Variants in IL16 observed in about 807,000 individuals in gnomAD.
The protein encoded by IL16 is pro-interleukin-16.
A neutral mutation model predicts 110.1 loss-of-function variants in IL16; 67 were observed. The ratio of observed to expected loss-of-function variants is 0.61; its 90% CI spans 0.50 to 0.75. IL16 has a LOEUF of 0.75. IL16 is among the 30% of genes least tolerant of loss of function. The pLI is 0.00. For synonymous variants in IL16, 689 were observed against 662.9 expected, an observed-to-expected ratio of 1.04 and a Z score of -0.61; for missense variants, 1,545 against 1,655.0, an observed-to-expected ratio of 0.93 and a Z score of 1.15.
rs528540940 is a variant in IL16 at position 81,202,925 on chromosome 15, G to C, written c.-102+5773G>C. Reference sequence around the variant, plus strand: ...ACTGACTTCCACAATGGTTGAACTAGTTTACAGTCCCACCAACAGTGTAAA... The same window carrying C: ...ACTGACTTCCACAATGGTTGAACTACTTTACAGTCCCACCAACAGTGTAAA... On this transcript the variant is annotated intron_variant, in intron 1 of 18. Transcript: ENST00000683961. Among the ~76,000 whole-genome samples the C allele has an allele frequency of 3.7e-3, 558 of 151,862 alleles. 4 individuals carry two copies. Among genetic ancestry groups the C allele is most frequent in the African/African-American group, 0.013 (532 of 41,364 alleles).
At chr15:81,281,886 C>T (rs1899196432) in intron 8 of IL16, among the ~76,000 whole-genome samples, 1 of 152,232 alleles carries the variant, frequency 6.6e-6, no homozygotes, top group South Asian at 2.1e-4. Context: ...TCAACAGAGG[C>T]CTCTTAGCTG....
At chr15:81,227,357 T>C (rs1297259152) in intron 2 of IL16, among the ~76,000 whole-genome samples, 1 of 152,166 alleles carries the variant, frequency 6.6e-6, no homozygotes, top group Admixed American at 6.5e-5. Context: ...CTGCTTTTTA[T>C]TGAAAAGGTA....
intron 2 of IL16, among the ~76,000 whole-genome samples, chr15:81,238,281 A>G (rs1897239900): frequency 2.0e-5 from 3 of 152,260 alleles, no homozygotes; most frequent in South Asian, 2.1e-4. Flanking sequence ...TAAGTCTGTC[A>G]TTTTATTATT....
intron 2 of IL16, 94 bp from the exon 3 acceptor site, chr15:81,259,678 G>T: frequency 1.4e-6 from 1 of 726,600 alleles, no homozygotes; most frequent in Non-Finnish European, 2.5e-6. Flanking sequence ...CAGATAATCT[G>T]AGTACTTCTA....
In IL16 at chr15:81,288,848, T is replaced by TGTGTGTGCGC. The variant is rs544352797; in HGVS notation, c.1333-1604_1333-1603insTGTGTGCGCG. On this transcript the variant is annotated intron_variant, in intron 10 of 18. Transcript: ENST00000683961. Reference sequence around the variant, plus strand: ...ATGTGTATGTGTGTGTGTGTGTGTGTGCGTGTGTGTGTATCACATGCTGTT... The same window carrying TGTGTGTGCGC: ...ATGTGTATGTGTGTGTGTGTGTGTGTGTGTGTGCGCGCGTGTGTGTGTATCACATGCTGTT... Among the ~76,000 whole-genome samples, 30 of 150,866 alleles carry TGTGTGTGCGC rather than the reference T, an allele frequency of 2.0e-4. No individual in the cohort carries two copies. In the South Asian group the frequency reaches 3.3e-3, roughly 17 times the overall value.
Position 81,265,705 on chromosome 15 carries a change from G to T in IL16, c.468G>T (p.Lys156Asn), listed in dbSNP as rs753304539. The T allele has an allele frequency of 2.5e-6, 4 of 1,613,932 alleles. No individual in the cohort carries two copies. The highest frequency in any genetic ancestry group is 3.4e-6 in the Non-Finnish European group (4 of 1,179,864). Residue 156 changes from lysine to asparagine, a missense_variant, in exon 4 of 19, where the codon AAG (lysine) becomes AAT (asparagine). Lys to Asn is a moderately conservative substitution (Grantham distance 94). This residue lies in a region of IL16 where 1,185 missense variants were observed against 1,238.8 expected (regional missense o/e 0.96). Coordinates refer to ENST00000683961, the MANE Select transcript of IL16 (RefSeq NM_172217.5). ...CTREIDFPMT[K>N]KSAAPTDRQP... is the part of the protein sequence containing the mutation. ...GAGAAATTGATTTTCCAATGACCAA[G>T]AAATCTGCAGCGCCCACGGACAGGC...
intron 2 of IL16, among the ~76,000 whole-genome samples, chr15:81,248,702 AT>A (rs1021315611): frequency 9.2e-5 from 9 of 97,460 alleles, no homozygotes; most frequent in Admixed American, 1.9e-4. Flanking sequence ...TATTTCTGTG[AT>A]TTTTTTTCTT....
At chr15:81,222,370 G>T (rs1182650890) in intron 1 of IL16, among the ~76,000 whole-genome samples, 1 of 138,816 alleles carries the variant, frequency 7.2e-6, no homozygotes, top group Non-Finnish European at 1.5e-5. Flanking sequence ...ACTATTCCAG[G>T]AGGGTTTTTT....
intron 1 of IL16, among the ~76,000 whole-genome samples, chr15:81,216,417 G>A (rs1164073434): frequency 6.6e-6 from 1 of 152,136 alleles, no homozygotes; most frequent in Non-Finnish European, 1.5e-5. Context: ...ACCCCTGCAG[G>A]GTTCCCAGCT....
Position 81,292,869 on chromosome 15 carries a change from G to A in IL16, c.1734G>A (p.Pro578=), listed in dbSNP as rs753258893. The A allele has an allele frequency of 1.9e-5, 31 of 1,614,002 alleles. No homozygotes were observed. Among genetic ancestry groups the A allele is most frequent in the South Asian group, 1.8e-4 (16 of 91,076 alleles). Residue 578 remains proline (P), a synonymous_variant, in exon 12 of 19, where the codon CCG becomes CCA. Coordinates refer to ENST00000683961, the MANE Select transcript of IL16 (RefSeq NM_172217.5). Reference sequence around the variant, plus strand: ...CAGAGAGCCGGGACAGCCACCCGCCGCTGAGACTGAAGAAATCCTTTGAGA... The same window carrying A: ...CAGAGAGCCGGGACAGCCACCCGCCACTGAGACTGAAGAAATCCTTTGAGA... ...PLPESRDSHP[P]LRLKKSFEIL...
At chr15:81,231,324 G>GTCTGTC (rs1896967068) in intron 2 of IL16, among the ~76,000 whole-genome samples, 1 of 47,126 alleles carries the variant, frequency 2.1e-5, no homozygotes, top group African/African-American at 7.9e-5. Context: ...AGGTCGGTCT[G>GTCTGTC]TCTCTCTCTC....
intron 12 of IL16, among the ~76,000 whole-genome samples, chr15:81,294,138 A>C (rs902796759): frequency 6.6e-6 from 1 of 152,212 alleles, no homozygotes; most frequent in African/African-American, 2.4e-5. Flanking sequence ...CAGGAGGGGT[A>C]GCGGTGGAGA....
intron 1 of IL16, among the ~76,000 whole-genome samples, chr15:81,186,142 C>T (rs1314946447): frequency 1.3e-5 from 2 of 152,240 alleles, no homozygotes; most frequent in African/African-American, 4.8e-5. Context: ...CTGGAAAGCC[C>T]TCAGTAATAC....
chr15:81,245,027 T>C (rs1897489075), intron 2 of IL16, among the ~76,000 whole-genome samples: 1 of 152,212 alleles, frequency 6.6e-6, no homozygotes, highest in Admixed American at 6.5e-5. Context: ...CTTCTATTTA[T>C]TTGTTGAAAC....
At chr15:81,295,024 C>T (rs976676490) in intron 12 of IL16, among the ~76,000 whole-genome samples, 16 of 152,114 alleles carry the variant, frequency 1.1e-4, no homozygotes, top group African/African-American at 3.6e-4. Context: ...GGGGACTTAA[C>T]TCTCACAACC....
At chr15:81,248,369 CTGTT>C (rs1897641177) in intron 2 of IL16, among the ~76,000 whole-genome samples, 1 of 151,810 alleles carries the variant, frequency 6.6e-6, no homozygotes, top group Admixed American at 6.6e-5. Flanking sequence ...TCTTTTTGAA[CTGTT>C]TGTCTTCTTT....
At chr15:81,280,311 C>T (rs968961324) in intron 8 of IL16, among the ~76,000 whole-genome samples, 1 of 152,220 alleles carries the variant, frequency 6.6e-6, no homozygotes, top group African/African-American at 2.4e-5. Flanking sequence ...TGGGCTCCAG[C>T]ACAGGGGCCA....
intron 1 of IL16, among the ~76,000 whole-genome samples, chr15:81,222,366 C>A (rs1382800289): frequency 7.0e-6 from 1 of 142,066 alleles, no homozygotes. Flanking sequence ...AGCTACTATT[C>A]CAGGAGGGTT....
intron 3 of IL16, 34 bp downstream of exon 3, chr15:81,259,914 A>C (rs951349785): frequency 1.5e-6 from 2 of 1,305,522 alleles, no homozygotes; most frequent in Non-Finnish European, 2.2e-6. Flanking sequence ...TCAGGAACAG[A>C]GCTCAGCTGT....
Sources: allele counts gnomAD v4.1 joint callset (sites outside exome capture counted in the v4.1 genomes callset), GRCh38; gene constraint gnomAD v4.1.1; regional missense constraint gnomAD v4.1.1; transcripts MANE v1.5; gene names NCBI Gene and HGNC (gene_info 2026-07-23, HGNC 2026-07-21).